Variants in XPR1 observed in about 807,000 individuals in gnomAD.
XPR1 encodes the protein solute carrier family 53 member 1.
In XPR1, 28 loss-of-function variants were observed where a neutral mutation model predicts 87.5. The ratio of observed to expected loss-of-function variants is 0.32; its 90% confidence interval spans 0.24 to 0.44. The LOEUF (loss-of-function observed/expected upper bound fraction) is 0.44, where lower values mean the gene tolerates loss of function less well. Among genes scored for constraint, XPR1 ranks in the 20% least tolerant of loss-of-function variants. The pLI is 1.00. For synonymous variants in XPR1, 300 were observed against 306.1 expected (o/e 0.98, Z 0.21); for missense variants, 559 against 862.3 (o/e 0.65, Z 4.41).
intron 7 of XPR1, among the ~76,000 whole-genome samples, chr1:180,822,672 G>A (rs1164118428): frequency 3.9e-5 from 6 of 152,084 alleles, no homozygotes; most frequent in Non-Finnish European, 8.8e-5. Flanking sequence ...TACTCATAAT[G>A]AGCCAAACGT....
chr1:180,708,148 G>A (rs968857387), intron 2 of XPR1, among the ~76,000 whole-genome samples: 5 of 152,182 alleles, frequency 3.3e-5, no homozygotes, highest in Admixed American at 1.3e-4. Context: ...GTAAAAGGAA[G>A]TTTAATTGAA....
At chr1:180,703,924 C>G (rs1208459197) in intron 2 of XPR1, among the ~76,000 whole-genome samples, 2 of 152,010 alleles carry the variant, frequency 1.3e-5, no homozygotes, top group Non-Finnish European at 2.9e-5. Flanking sequence ...GATTATTTCT[C>G]TTATTACAGA....
At position 180,811,486 on chromosome 1, in the gene XPR1, C is replaced by T. The variant is rs1411583545; in HGVS notation, c.761C>T (p.Ala254Val). The T allele has an allele frequency of 8.1e-6, 13 of 1,609,842 alleles. No homozygotes were observed. The highest frequency in any genetic ancestry group is 1.0e-5 in the Non-Finnish European group (12 of 1,177,228). Residue 254 changes from alanine (A) to valine (V), a missense_variant and splice_region_variant, in exon 7 of 15, where the codon GCC becomes GTC. Ala to Val is a moderately conservative substitution (Grantham distance 64). Coordinates refer to ENST00000367590, the MANE Select transcript of XPR1 (RefSeq NM_004736.4). ...GTACTGAATATTACCCTTGTGCTTG[C>T]CGGTAAGTAGTTTAAATTTTGAATT... ...FIVLNITLVL[A>V]AVFKLETDRS...
intron 7 of XPR1, among the ~76,000 whole-genome samples, chr1:180,819,920 T>C (rs1650560927): frequency 6.6e-6 from 1 of 151,678 alleles, no homozygotes; most frequent in Admixed American, 6.6e-5. Context: ...CTTGGGAGGC[T>C]GAGGCAGGAG....
At chr1:180,876,645 A>G (rs12088071) in intron 13 of XPR1, among the ~76,000 whole-genome samples, 4 of 152,062 alleles carry the variant, frequency 2.6e-5, no homozygotes, top group African/African-American at 4.8e-5. Context: ...CAAAAAAAAA[A>G]AAAGAAAGAA....
intron 6 of XPR1, among the ~76,000 whole-genome samples, chr1:180,809,935 A>G (rs1650148239): frequency 6.6e-6 from 1 of 152,108 alleles, no homozygotes; most frequent in Non-Finnish European, 1.5e-5. Context: ...AGAATCTGTT[A>G]CTCTATTAAG....
Position 180,765,718 on chromosome 1 carries a change from GTAT to G in XPR1, c.122-22030_122-22028del, listed in dbSNP as rs1458470239. On this transcript the variant is annotated intron_variant, in intron 2 of 14. Coordinates refer to ENST00000367590, the MANE Select transcript of XPR1 (RefSeq NM_004736.4). ...AAATAGTTGTATTGTTTTTAAATTT[GTAT>G]TATTTTTTATTTTCTTTTTTTTCCA... Among the ~76,000 whole-genome samples, 6 of 152,090 alleles carry G rather than the reference GTAT, an allele frequency of 3.9e-5. No individual in the cohort carries two copies. The East Asian group carries it at 1.2e-3, about 29-fold the overall frequency.
chr1:180,810,451 C>T (rs1650166750), intron 6 of XPR1, among the ~76,000 whole-genome samples: 1 of 151,942 alleles, frequency 6.6e-6, no homozygotes, highest in East Asian at 1.9e-4. Flanking sequence ...CATGGTGGCA[C>T]ACACAGTAGT....
chr1:180,864,466 T>C (rs1201562964), intron 12 of XPR1, among the ~76,000 whole-genome samples: 2 of 152,186 alleles, frequency 1.3e-5, no homozygotes, highest in African/African-American at 2.4e-5. Flanking sequence ...AGACTTAATG[T>C]TTCTGGGATG....
chr1:180,646,387 A>T (rs2101899726), intron 1 of XPR1, among the ~76,000 whole-genome samples: 1 of 151,642 alleles, frequency 6.6e-6, no homozygotes, highest in Middle Eastern at 3.4e-3. Flanking sequence ...TCTGTTCTTC[A>T]TGTTCATGTT....
chr1:180,835,504 C>T (rs1401358223), intron 10 of XPR1, among the ~76,000 whole-genome samples: 1 of 152,058 alleles, frequency 6.6e-6, no homozygotes, highest in Non-Finnish European at 1.5e-5. Flanking sequence ...GCACCCCCCC[C>T]TTAGTTTATG....
chr1:180,632,330 C>G, intron 1 of XPR1, 60 bp downstream of exon 1: 1 of 1,555,838 alleles, frequency 6.4e-7, no homozygotes, highest in South Asian at 1.2e-5. Flanking sequence ...CCAGTCCTGA[C>G]GTCCACCGCC....
intron 12 of XPR1, among the ~76,000 whole-genome samples, chr1:180,864,260 C>T (rs973662644): frequency 1.6e-4 from 25 of 152,152 alleles, no homozygotes; most frequent in African/African-American, 5.8e-4. Flanking sequence ...ACACCTGTTC[C>T]TCCTCTTTAA....
chr1:180,755,929 T>C (rs1156439396), intron 2 of XPR1, among the ~76,000 whole-genome samples: 1 of 152,234 alleles, frequency 6.6e-6, no homozygotes, highest in Non-Finnish European at 1.5e-5. Context: ...TCAGGAGCTC[T>C]TCCTGATTCC....
chr1:180,882,595 G>A (rs1424342755), intron 14 of XPR1, among the ~76,000 whole-genome samples: 1 of 152,094 alleles, frequency 6.6e-6, no homozygotes, highest in Non-Finnish European at 1.5e-5. Flanking sequence ...GCCTGAAGAA[G>A]TCTTCCCTCC....
At chr1:180,877,597 ACCCTAAAGGTGGTTTTCAGTGTATGG>A (rs1652704773) in intron 13 of XPR1, among the ~76,000 whole-genome samples, 1 of 152,198 alleles carries the variant, frequency 6.6e-6, no homozygotes, top group Non-Finnish European at 1.5e-5. Flanking sequence ...ATAGGAAAGA[ACCCTAAAGGTGGTTTTCAGTGTATGG>A]TAATGTATTT....
chr1:180,758,538 T>A (rs1439312828), intron 2 of XPR1, among the ~76,000 whole-genome samples: 6 of 152,154 alleles, frequency 3.9e-5, no homozygotes, highest in Admixed American at 2.6e-4. Flanking sequence ...TGAAACCCCA[T>A]CTCTACTAAA....
chr1:180,731,113 T>C (rs1557978835), intron 2 of XPR1, among the ~76,000 whole-genome samples: 1 of 152,232 alleles, frequency 6.6e-6, no homozygotes, highest in Non-Finnish European at 1.5e-5. Flanking sequence ...ACCATTTTAC[T>C]AGTGCCTAGT....
In XPR1 at chr1:180,873,816, G is replaced by A; in HGVS notation, c.1682G>A (p.Cys561Tyr). ...IVYPQKAYYY[C>Y]AIIEDVILRF... ...ATTATTTCTCAGGCCTACTACTACT[G>A]TGCCATAATAGAGGATGTGATTCTG... The change falls in exon 13 of 15, where the codon TGT becomes TAT. Residue 561 changes from cysteine (C) to tyrosine (Y), a missense_variant. Cys to Tyr is a radical substitution (Grantham distance 194, BLOSUM62 -2). Around this residue, in one of 7 missense-constraint regions of XPR1, gnomAD observed 264 missense variants for 377.2 expected, o/e 0.70. Coordinates refer to ENST00000367590, the MANE Select transcript of XPR1 (RefSeq NM_004736.4). The A allele has an allele frequency of 1.2e-6, 2 of 1,613,610 alleles. No individual in the cohort carries two copies. Among genetic ancestry groups the A allele is most frequent in the Non-Finnish European group, 1.7e-6 (2 of 1,179,888 alleles).
Sources: allele counts gnomAD v4.1 joint callset (sites outside exome capture counted in the v4.1 genomes callset), GRCh38; gene constraint gnomAD v4.1.1; regional missense constraint gnomAD v4.1.1; transcripts MANE v1.5; gene names NCBI Gene and HGNC (gene_info 2026-07-23, HGNC 2026-07-21).